The following P2RY14 variants were observed in gnomAD, a reference collection of about 807,000 sequenced individuals.
P2RY14 encodes the protein P2Y purinoceptor 14.
P2RY14 carries 2 observed loss-of-function variants against 0.9 expected under a neutral mutation model. The ratio of observed to expected loss-of-function variants is 2.16; its 90% confidence interval spans 0.88 to 6.79. The LOEUF (loss-of-function observed/expected upper bound fraction) is 6.79. P2RY14 is among the 30% of genes most tolerant of loss of function. The pLI is 0.05. For missense variants in P2RY14, 378 were observed against 400.1 expected, an observed-to-expected ratio of 0.94 and a Z score of 0.47; for synonymous variants, 158 against 147.2, an observed-to-expected ratio of 1.07 and a Z score of -0.53.
chr3:151,253,005 AT>A (rs1395212835), intron 1 of P2RY14, among the ~76,000 whole-genome samples: 1 of 152,200 alleles, frequency 6.6e-6, no homozygotes, highest in Non-Finnish European at 1.5e-5. Context: ...CTTAAAATAA[AT>A]ATTACATGTC....
chr3:151,256,865 T>TG (rs1477213571), intron 1 of P2RY14, among the ~76,000 whole-genome samples: 2 of 150,506 alleles, frequency 1.3e-5, no homozygotes, highest in African/African-American at 4.9e-5. Flanking sequence ...TTTTTGTTGT[T>TG]TTTTTTTTTA....
intron 1 of P2RY14, among the ~76,000 whole-genome samples, chr3:151,226,612 G>GTT (rs143326437): frequency 6.6e-6 from 1 of 150,436 alleles, no homozygotes; most frequent in Non-Finnish European, 1.5e-5. Flanking sequence ...GTCAGCCAGT[G>GTT]TTTTTTTTTC....
intron 1 of P2RY14, among the ~76,000 whole-genome samples, chr3:151,239,802 T>C (rs1211614902): frequency 6.6e-6 from 1 of 152,166 alleles, no homozygotes; most frequent in African/African-American, 2.4e-5. Flanking sequence ...GCACTCCAGC[T>C]CTTAAGCTAT....
intron 1 of P2RY14, among the ~76,000 whole-genome samples, chr3:151,254,004 T>TA (rs1388356720): frequency 6.6e-6 from 1 of 151,396 alleles, no homozygotes; most frequent in Non-Finnish European, 1.5e-5. Flanking sequence ...TTCTTGTTTT[T>TA]TTTTTTTGTT....
chr3:151,263,712 T>C (rs916893899), intron 1 of P2RY14, among the ~76,000 whole-genome samples: 1 of 152,134 alleles, frequency 6.6e-6, no homozygotes, highest in Non-Finnish European at 1.5e-5. Flanking sequence ...TAATGTAATA[T>C]AGAGATTAAG....
chr3:151,215,677 C>T (rs930744348), intron 2 of P2RY14, among the ~76,000 whole-genome samples: 9 of 152,176 alleles, frequency 5.9e-5, no homozygotes, highest in Non-Finnish European at 1.3e-4. Context: ...TATATCGGAA[C>T]AGATGTTTAC....
intron 1 of P2RY14, among the ~76,000 whole-genome samples, chr3:151,224,290 G>A (rs1363681578): frequency 6.6e-6 from 1 of 151,862 alleles, no homozygotes; most frequent in East Asian, 1.9e-4. Context: ...TTAATACACA[G>A]TGCTCTGGAT....
At chr3:151,265,993 C>G (rs1015320699) in intron 1 of P2RY14, among the ~76,000 whole-genome samples, 1 of 152,186 alleles carries the variant, frequency 6.6e-6, no homozygotes. Context: ...TAATTGTTGT[C>G]TGTGCCTTCA....
Position 151,213,669 on chromosome 3 carries a change from G to A in P2RY14, c.648C>T (p.Ser216=), listed in dbSNP as rs886590622. The A allele has an allele frequency of 5.6e-6, 9 of 1,613,948 alleles. No homozygotes were observed. Among genetic ancestry groups the A allele is most frequent in the Non-Finnish European group, 7.6e-6 (9 of 1,180,002 alleles). ...YTAITKKIFK[S]HLKSSRNSTS... is the part of the protein sequence containing the mutation. ...TGGAATTCCGACTTGACTTAAGGTG[G>A]GACTTAAAGATTTTCTTTGTGATAG... The change falls in exon 3 of 3, where the codon TCC becomes TCT. Residue 216 remains serine (S), a synonymous_variant. Transcript: ENST00000309170.
intron 1 of P2RY14, among the ~76,000 whole-genome samples, chr3:151,265,559 T>A (rs1386132646): frequency 6.6e-6 from 1 of 152,160 alleles, no homozygotes. Flanking sequence ...GATGACAGAT[T>A]TTCAGTTATA....
chr3:151,233,673 T>C (rs1488980716), intron 1 of P2RY14, among the ~76,000 whole-genome samples: 1 of 152,132 alleles, frequency 6.6e-6, no homozygotes, highest in Non-Finnish European at 1.5e-5. Flanking sequence ...GCGGAGGTTG[T>C]GGTGAGCCGA....
chr3:151,275,192 G>A (rs1741639998), intron 1 of P2RY14, among the ~76,000 whole-genome samples: 1 of 152,120 alleles, frequency 6.6e-6, no homozygotes, highest in African/African-American at 2.4e-5. Flanking sequence ...TGATCCTGGA[G>A]AGTATCGAGG....
At chr3:151,235,030 G>A (rs959093376) in intron 1 of P2RY14, among the ~76,000 whole-genome samples, 22 of 152,232 alleles carry the variant, frequency 1.4e-4, no homozygotes, top group Admixed American at 5.2e-4. Context: ...TTTGTATGCG[G>A]TGGAGGTTGT....
intron 1 of P2RY14, among the ~76,000 whole-genome samples, chr3:151,236,365 C>T (rs1732801249): frequency 6.6e-6 from 1 of 152,162 alleles, no homozygotes; most frequent in Admixed American, 6.5e-5. Flanking sequence ...ATCTCTGGAT[C>T]ACAGAATTAG....
intron 1 of P2RY14, among the ~76,000 whole-genome samples, chr3:151,260,777 ATTC>A (rs1411472543): frequency 6.6e-6 from 1 of 152,172 alleles, no homozygotes; most frequent in African/African-American, 2.4e-5. Flanking sequence ...AAATAACTGT[ATTC>A]TTGTAAATAA....
intron 1 of P2RY14, among the ~76,000 whole-genome samples, chr3:151,256,844 CAG>C (rs1308080611): frequency 1.5e-5 from 2 of 134,862 alleles, no homozygotes; most frequent in African/African-American, 2.7e-5. Flanking sequence ...TGGGAAATGA[CAG>C]AGGTTTTTTT....
intron 1 of P2RY14, among the ~76,000 whole-genome samples, chr3:151,251,705 C>T (rs1257995748): frequency 2.0e-5 from 3 of 152,284 alleles, no homozygotes; most frequent in East Asian, 3.9e-4. Flanking sequence ...GTGGTTCTTG[C>T]CCCATTGCTT....
intron 1 of P2RY14, among the ~76,000 whole-genome samples, chr3:151,246,529 C>T (rs904884351): frequency 3.8e-4 from 58 of 152,198 alleles, no homozygotes; most frequent in African/African-American, 1.3e-3. Context: ...GAAAGGATTC[C>T]CTATTTAATA....
At chr3:151,269,836 G>A (rs1170858398) in intron 1 of P2RY14, 7 of 440,852 alleles carry the variant, frequency 1.6e-5, no homozygotes, top group African/African-American at 1.2e-4. Flanking sequence ...CCAGTCAAAC[G>A]CAGAGTAAAG....
Sources: allele counts gnomAD v4.1 joint callset (sites outside exome capture counted in the v4.1 genomes callset), GRCh38; gene constraint gnomAD v4.1.1; transcripts MANE v1.5; gene names NCBI Gene and HGNC (gene_info 2026-07-23, HGNC 2026-07-21).